ANKRD18B: variants seen among roughly 807,000 people sequenced by gnomAD.
ANKRD18B encodes the protein ankyrin repeat domain 18B.
Under a neutral mutation model 111.8 loss-of-function variants are expected in ANKRD18B, and 75 were observed. That is an observed-to-expected ratio of 0.67 (90% CI 0.56 to 0.81). ANKRD18B has a LOEUF of 0.81. ANKRD18B is among the 40% of genes least tolerant of loss of function. The pLI, the probability that ANKRD18B is intolerant of heterozygous loss-of-function variation, is 0.00. For synonymous variants in ANKRD18B, 356 were observed against 417.3 expected, an observed-to-expected ratio of 0.85 and a Z score of 1.79; for missense variants, 1,038 against 1,225.5, an observed-to-expected ratio of 0.85 and a Z score of 2.28.
At chr9:33,544,079 G>T (rs1458138624) in intron 10 of ANKRD18B, among the ~76,000 whole-genome samples, 1 of 152,094 alleles carries the variant, frequency 6.6e-6, no homozygotes, top group Admixed American at 6.6e-5. Context: ...CACTGTAGGG[G>T]TTCACTATTT....
chr9:33,551,544 T>A (rs1429956361), intron 12 of ANKRD18B, among the ~76,000 whole-genome samples: 2 of 152,158 alleles, frequency 1.3e-5, no homozygotes, highest in African/African-American at 4.8e-5. Flanking sequence ...CTTAGCAGAA[T>A]GTTTTCAGAA....
At chr9:33,546,907 G>A (rs1042499113) in intron 10 of ANKRD18B, among the ~76,000 whole-genome samples, 2 of 152,052 alleles carry the variant, frequency 1.3e-5, no homozygotes, top group African/African-American at 4.8e-5. Context: ...CATTTTCCAG[G>A]ATTCCACACT....
chr9:33,575,029 G>A (rs191237572), downstream of ANKRD18B, among the ~76,000 whole-genome samples: 182 of 152,296 alleles, frequency 1.2e-3, 1 homozygote, highest in African/African-American at 4.3e-3. Context: ...AGTGGGACCT[G>A]CTCTCTTCTC....
At chr9:33,531,149 A>G (rs572071365) in intron 3 of ANKRD18B, among the ~76,000 whole-genome samples, 19 of 152,334 alleles carry the variant, frequency 1.2e-4, no homozygotes, top group Admixed American at 3.3e-4. Context: ...ATTCCTATGA[A>G]CTAATTGTCT....
chr9:33,553,184 A>G (rs539045123), intron 12 of ANKRD18B, among the ~76,000 whole-genome samples: 1 of 148,908 alleles, frequency 6.7e-6, no homozygotes, highest in African/African-American at 2.5e-5. Context: ...AATATAAGTG[A>G]GACCCTGACT....
Position 33,541,208 on chromosome 9 carries a change from A to C in ANKRD18B, c.1059A>C (p.Lys353Asn), listed in dbSNP as rs1828274566. Residue 353 changes from lysine (K) to asparagine (N), a missense_variant, in exon 9 of 19, where the codon AAA (lysine) becomes AAC (asparagine). Lys to Asn is a moderately conservative substitution (Grantham distance 94). This residue lies in a region of ANKRD18B where 205 missense variants were observed against 201.3 expected (regional missense o/e 1.02). Coordinates refer to ENST00000684830, the MANE Select transcript of ANKRD18B (RefSeq NM_001393611.1). ...GAAAAAAAAGAAAAAAATTGAAAAA[A>C]AGAAAAGAAGGTGCAAAAGGTAAGA... Reference protein sequence around the residue: ...KKRKKRKKLKKRKEGAKEHNL... With the variant: ...KKRKKRKKLKNRKEGAKEHNL... 1 of 1,546,374 alleles carries C rather than the reference A, an allele frequency of 6.5e-7. No homozygotes were observed.
intron 9 of ANKRD18B, 67 bp downstream of exon 9, chr9:33,541,294 C>A: frequency 6.6e-7 from 1 of 1,509,920 alleles, no homozygotes; most frequent in Non-Finnish European, 8.8e-7. Flanking sequence ...AAGCTTCAGC[C>A]GTAGTTAATG....
intron 18 of ANKRD18B, chr9:33,571,569 A>G (rs10971567): frequency 0.038 from 5,956 of 156,468 alleles, 125 homozygotes; most frequent in African/African-American, 0.052. Flanking sequence ...TGCCGTCCTC[A>G]TGGAACTGTC....
chr9:33,555,038 A>C (rs1314443895), intron 12 of ANKRD18B, among the ~76,000 whole-genome samples: 1 of 129,834 alleles, frequency 7.7e-6, no homozygotes, highest in Non-Finnish European at 1.8e-5. Flanking sequence ...CAATAAAAAC[A>C]CAATAAGTGA....
chr9:33,561,349 T>A (rs1467735319), intron 14 of ANKRD18B, among the ~76,000 whole-genome samples: 1 of 152,238 alleles, frequency 6.6e-6, no homozygotes, highest in Admixed American at 6.5e-5. Flanking sequence ...TGCAGAAATA[T>A]CTATTCAAAT....
intron 12 of ANKRD18B, among the ~76,000 whole-genome samples, chr9:33,551,409 T>C (rs1253664356): frequency 2.0e-5 from 3 of 152,226 alleles, no homozygotes; most frequent in Non-Finnish European, 2.9e-5. Context: ...CCCCACTCCA[T>C]GTCTCTCCAC....
At position 33,568,789 on chromosome 9, in the gene ANKRD18B, C is replaced by A. The variant is rs753349558; in HGVS notation, c.3073C>A (p.Leu1025Ile). The part of the protein sequence containing the change: ...PDPELPCVEN[L>I]NSIELNRKYI... The stretch of plus-strand genomic sequence containing the variant: ...CCCAGAGTTACCTTGTGTTGAAAAT[C>A]TTAATAGTATAGAACTCAACAGAAA... Residue 1025 changes from leucine to isoleucine, a missense_variant, in exon 17 of 19, where the codon CTT becomes ATT. Around this residue, in one of 4 missense-constraint regions of ANKRD18B, gnomAD observed 524 missense variants for 677.9 expected, o/e 0.77. Transcript: ENST00000684830. 70 of 1,551,292 alleles carry A rather than the reference C, an allele frequency of 4.5e-5. No individual in the cohort carries two copies. Among genetic ancestry groups the A allele is most frequent in the Non-Finnish European group, 5.8e-5 (66 of 1,146,774 alleles).
Position 33,532,953 on chromosome 9 carries a change from A to G in ANKRD18B, c.496-486A>G, listed in dbSNP as rs480465. ...CAGATGATCATGGAATCTTTTTGTT[A>G]GGGTACAGTTCTTTCGGTAAAACAA... is the stretch of plus-strand genomic sequence containing the variant. On this transcript the variant is annotated intron_variant, in intron 3 of 18. Transcript: ENST00000684830. 4.8e-3 allele frequency among the ~76,000 whole-genome samples: 731 copies of G among 152,332 alleles called. 1 individual carries two copies. Among genetic ancestry groups the G allele is most frequent in the Non-Finnish European group, 8.6e-3 (585 of 68,020 alleles).
chr9:33,556,208 AACTT>A (rs759094855), intron 13 of ANKRD18B, among the ~76,000 whole-genome samples: 29 of 152,118 alleles, frequency 1.9e-4, no homozygotes, highest in Non-Finnish European at 3.5e-4. Context: ...TGAAAAAAGA[AACTT>A]ACAACACAAT....
rs1828797442 is a variant in ANKRD18B, at chr9:33,572,571, AT to A, written c.*144del. 6 of 1,288,126 alleles carry A rather than the reference AT, an allele frequency of 4.7e-6. No homozygotes were observed. Among genetic ancestry groups the A allele is most frequent in the East Asian group, 6.2e-5 (2 of 32,076 alleles). The allele number at this position is 1,288,126 out of a possible 1,614,324, so 79.8% of individuals were successfully genotyped here. ...GTATATTTATATGTTATTTTAAATG[AT>A]TTTTTTAGCCTCCTTAAGTTTTAAG... is the stretch of plus-strand genomic sequence containing the variant. On this transcript the variant is annotated 3_prime_UTR_variant, in exon 19 of 19. Transcript: ENST00000684830.
At chr9:33,544,067 T>C (rs1828321403) in intron 10 of ANKRD18B, among the ~76,000 whole-genome samples, 1 of 152,196 alleles carries the variant, frequency 6.6e-6, no homozygotes, top group African/African-American at 2.4e-5. Flanking sequence ...GAAATATGAA[T>C]TCACTGTAGG....
intron 6 of ANKRD18B, among the ~76,000 whole-genome samples, 162 bp from the exon 7 acceptor site, chr9:33,539,287 T>C (rs1828245077): frequency 6.6e-6 from 1 of 152,214 alleles, no homozygotes; most frequent in South Asian, 2.1e-4. Flanking sequence ...TCACGTTCAG[T>C]ATGTGCCAGG....
Position 33,570,797 on chromosome 9 carries a change from C to A in ANKRD18B, c.3178-449C>A, listed in dbSNP as rs528151666. Among the ~76,000 whole-genome samples the A allele has an allele frequency of 1.7e-3, 255 of 152,010 alleles. 1 individual carries two copies. Among genetic ancestry groups the A allele is most frequent in the African/African-American group, 5.7e-3 (235 of 41,462 alleles). Reference sequence around the variant, plus strand: ...GGACTAGAGGCATGCACCACCACACCCAGCTAATTTTTGTATTTTTAGTAG... The same window carrying A: ...GGACTAGAGGCATGCACCACCACACACAGCTAATTTTTGTATTTTTAGTAG... On this transcript the variant is annotated intron_variant, in intron 17 of 18. Coordinates refer to ENST00000684830, the MANE Select transcript of ANKRD18B (RefSeq NM_001393611.1).
intron 14 of ANKRD18B, among the ~76,000 whole-genome samples, chr9:33,563,407 G>T (rs1828635815): frequency 6.6e-6 from 1 of 152,200 alleles, no homozygotes; most frequent in African/African-American, 2.4e-5. Flanking sequence ...GATGGTTGAT[G>T]CTGGCCATTG....
Sources: allele counts gnomAD v4.1 joint callset (sites outside exome capture counted in the v4.1 genomes callset), GRCh38; gene constraint gnomAD v4.1.1; regional missense constraint gnomAD v4.1.1; transcripts MANE v1.5; gene names NCBI Gene and HGNC (gene_info 2026-07-23, HGNC 2026-07-21).